Variants in HIGD1C observed in about 807,000 individuals in gnomAD.
The protein encoded by HIGD1C is HIG1 hypoxia inducible domain family member 1C, also known as HIG1 domain family member 1C.
A neutral mutation model predicts 13.1 loss-of-function variants in HIGD1C; 11 were observed. That is an observed-to-expected ratio of 0.84 (90% CI 0.53 to 1.39). The LOEUF is 1.39. HIGD1C is among the 40% of genes most tolerant of loss of function. HIGD1C has a pLI of 0.00. For missense variants in HIGD1C, 110 were observed against 112.0 expected (o/e 0.98, Z 0.08); for synonymous variants, 36 against 37.7 (o/e 0.95, Z 0.17).
chr12:50,934,900 G>GACACACAC, the HIGD1C span: 3 of 150,836 alleles, frequency 2.0e-5, no homozygotes, highest in African/African-American at 7.3e-5. Context: ...TTTAATGGCT[G>GACACACAC]ACACACACAC....
the HIGD1C span, chr12:50,939,823 G>A: frequency 6.6e-6 from 1 of 151,998 alleles, no homozygotes; most frequent in African/African-American, 2.4e-5. Context: ...GCTTCCTTAA[G>A]CATTTGTAAG....
chr12:50,968,822 A>T (rs1014517108), intron 2 of HIGD1C, among the ~76,000 whole-genome samples: 1 of 151,564 alleles, frequency 6.6e-6, no homozygotes, highest in Non-Finnish European at 1.5e-5. Flanking sequence ...GATTACAGGC[A>T]TGAGCCACCA....
chr12:50,945,430 T>C, the HIGD1C span, among the ~76,000 whole-genome samples: 2 of 152,252 alleles, frequency 1.3e-5, no homozygotes, highest in East Asian at 3.9e-4. Flanking sequence ...AGCATTCCTA[T>C]ACACCAATAA....
intron 1 of HIGD1C, among the ~76,000 whole-genome samples, chr12:50,956,209 T>C (rs1430505100): frequency 6.6e-6 from 1 of 152,188 alleles, no homozygotes; most frequent in Non-Finnish European, 1.5e-5. Flanking sequence ...CTGGCTAATG[T>C]GGTGAAACCC....
intron 2 of HIGD1C, among the ~76,000 whole-genome samples, 164 bp from the exon 5 acceptor site, chr12:50,970,278 T>C (rs908882093): frequency 2.6e-5 from 4 of 152,234 alleles, no homozygotes; most frequent in Non-Finnish European, 5.9e-5. Context: ...TTTGTTTTTT[T>C]CTAGAGTCAC....
chr12:50,942,288 C>T, the HIGD1C span, among the ~76,000 whole-genome samples: 1 of 152,150 alleles, frequency 6.6e-6, no homozygotes, highest in South Asian at 2.1e-4. Context: ...TAGTGAATGG[C>T]AAAACCATTT....
At position 50,965,061 on chromosome 12, in the gene HIGD1C, C is replaced by A. The variant is rs186921025; in HGVS notation, c.229+3959C>A. Among the ~76,000 whole-genome samples the A allele has an allele frequency of 1.1e-4, 17 of 152,266 alleles. No individual in the cohort carries two copies. The East Asian group carries it at 3.3e-3, about 29-fold the overall frequency. ...TGAAGTCCTTGATGATGGCACTAAT[C>A]TCTACAATCCCTCTAGGAGTAGGGT... On this transcript the variant is annotated intron_variant, in intron 2 of 2. Transcript: ENST00000398455.
chr12:50,963,527 G>A (rs1939428160), intron 2 of HIGD1C, among the ~76,000 whole-genome samples: 1 of 152,110 alleles, frequency 6.6e-6, no homozygotes, highest in Non-Finnish European at 1.5e-5. Context: ...ACTGACGGAG[G>A]TGAAATATAG....
intron 2 of HIGD1C, among the ~76,000 whole-genome samples, chr12:50,968,198 A>T (rs560547235): frequency 6.6e-6 from 1 of 152,308 alleles, no homozygotes; most frequent in African/African-American, 2.4e-5. Context: ...AGTTGGCTAA[A>T]CAGTTTATGC....
chr12:50,948,025 AGGG>A, the HIGD1C span, among the ~76,000 whole-genome samples: 1 of 152,246 alleles, frequency 6.6e-6, no homozygotes, highest in African/African-American at 2.4e-5. Flanking sequence ...GAGGACTACA[AGGG>A]AACAAAATAC....
At chr12:50,971,168 C>T (rs1273864512), downstream of HIGD1C, among the ~76,000 whole-genome samples, 19 of 150,678 alleles carry the variant, frequency 1.3e-4, no homozygotes, top group East Asian at 1.2e-3. Flanking sequence ...GCGTGAGCCA[C>T]GGCGCCGAGC....
At chr12:50,944,734 A>C in the HIGD1C span, among the ~76,000 whole-genome samples, 2 of 152,144 alleles carry the variant, frequency 1.3e-5, no homozygotes, top group Non-Finnish European at 2.9e-5. Flanking sequence ...TGAAAATATA[A>C]AAATTAGCTG....
intron 1 of HIGD1C, among the ~76,000 whole-genome samples, chr12:50,956,846 T>C (rs1291744632): frequency 6.6e-6 from 1 of 152,194 alleles, no homozygotes; most frequent in Non-Finnish European, 1.5e-5. Context: ...TTCCCAGAAG[T>C]AGAATTTCCA....
chr12:50,940,655 C>T, the HIGD1C span, among the ~76,000 whole-genome samples: 3 of 147,774 alleles, frequency 2.0e-5, no homozygotes, highest in Non-Finnish European at 4.5e-5. Flanking sequence ...CTTGGTAAGT[C>T]GAGGCTGCAG....
At chr12:50,944,916 G>A in the HIGD1C span, among the ~76,000 whole-genome samples, 71 of 152,114 alleles carry the variant, frequency 4.7e-4, no homozygotes, top group Non-Finnish European at 2.2e-4. Flanking sequence ...TCCCTGGGAT[G>A]CAAGGCTGGT....
chr12:50,953,292 G>T (rs372018381), upstream of HIGD1C, among the ~76,000 whole-genome samples: 2 of 152,224 alleles, frequency 1.3e-5, no homozygotes, highest in East Asian at 1.9e-4. Context: ...GTTTTCTGAT[G>T]AAGTCTCATT....
chr12:50,955,647 C>A (rs1565955956), intron 1 of HIGD1C, among the ~76,000 whole-genome samples: 1 of 152,114 alleles, frequency 6.6e-6, no homozygotes, highest in Non-Finnish European at 1.5e-5. Flanking sequence ...ATTCACATAT[C>A]AAGAAAGAAT....
chr12:50,969,665 C>T (rs1300514636), intron 2 of HIGD1C, among the ~76,000 whole-genome samples: 1 of 150,736 alleles, frequency 6.6e-6, no homozygotes, highest in Admixed American at 6.6e-5. Context: ...CGCCATTGTA[C>T]CACTCCAGCC....
intron 1 of HIGD1C, among the ~76,000 whole-genome samples, chr12:50,959,122 T>G (rs958280093): frequency 6.6e-6 from 1 of 152,148 alleles, no homozygotes; most frequent in Non-Finnish European, 1.5e-5. Context: ...ATATCCTCTT[T>G]TTTATTTTTT....
Sources: allele counts gnomAD v4.1 joint callset (sites outside exome capture counted in the v4.1 genomes callset), GRCh38; gene constraint gnomAD v4.1.1; transcripts MANE v1.5; gene names NCBI Gene and HGNC (gene_info 2026-07-23, HGNC 2026-07-21).